The following ZNF141 variants were observed in gnomAD, a reference collection of about 807,000 sequenced individuals.
ZNF141 encodes zinc finger protein 141.
Under a neutral mutation model 11.3 loss-of-function variants are expected in ZNF141, and 7 were observed. That is an observed-to-expected ratio of 0.62 (90% confidence interval 0.35 to 1.16). The LOEUF (loss-of-function observed/expected upper bound fraction) is 1.16, where lower values mean the gene tolerates loss of function less well. Among genes scored for constraint, ZNF141 ranks in the 50% most tolerant of loss-of-function variants. The pLI, the probability that ZNF141 is intolerant of heterozygous loss-of-function variation, is 0.02. For synonymous variants in ZNF141, 183 were observed against 190.7 expected, an observed-to-expected ratio of 0.96 and a Z score of 0.33; for missense variants, 535 against 554.0, an observed-to-expected ratio of 0.97 and a Z score of 0.34.
At chr4:346,278 TTAAG>T (rs1721314436) in intron 3 of ZNF141, among the ~76,000 whole-genome samples, 1 of 152,260 alleles carries the variant, frequency 6.6e-6, no homozygotes, top group Non-Finnish European at 1.5e-5. Context: ...AATTTGAACA[TTAAG>T]TGAGGACTTA....
At chr4:348,061 G>A (rs547622608) in intron 3 of ZNF141, among the ~76,000 whole-genome samples, 3 of 151,904 alleles carry the variant, frequency 2.0e-5, no homozygotes, top group South Asian at 2.1e-4. Flanking sequence ...AGCCAAGATG[G>A]TCTCGATCTC....
At position 377,606 on chromosome 4, in the gene ZNF141, T is replaced by G. The variant is rs1433864285; in HGVS notation, c.*3744T>G. Among the ~76,000 whole-genome samples the G allele has an allele frequency of 1.3e-5, 2 of 152,164 alleles. No individual in the cohort carries two copies. The highest frequency in any genetic ancestry group is 2.4e-5 in the African/African-American group (1 of 41,436). ...TGGACTTTAGGTTAACTGGGGTGTTTGAGGTTATTTATAGGTTATCAGTGC... is the reference window on the plus strand; with the variant it reads ...TGGACTTTAGGTTAACTGGGGTGTTGGAGGTTATTTATAGGTTATCAGTGC... On this transcript the variant is annotated 3_prime_UTR_variant, in exon 4 of 4. Transcript: ENST00000240499.
At position 384,117 on chromosome 4, in the gene ZNF141, TCA is replaced by T. The variant is rs1553856091; in HGVS notation, c.*10260_*10261del. ...GGATGCATGTGATTGGTACTTAAAC[TCA>T]CACAGTGCCCCATACCACAGGAGAA... is the stretch of plus-strand genomic sequence containing the variant. On this transcript the variant is annotated 3_prime_UTR_variant, in exon 4 of 4. Transcript: ENST00000240499. 1 of 152,186 alleles carries T rather than the reference TCA, an allele frequency of 6.6e-6. No individual in the cohort carries two copies. The highest frequency in any genetic ancestry group is 1.5e-5 in the Non-Finnish European group (1 of 68,034). The allele number at this position is 152,186 out of a possible 1,614,324, so 9.4% of individuals were successfully genotyped here. A position where few individuals can be genotyped will look rare whatever the true frequency, so the allele number is the denominator to read the frequency against.
rs117558645 is a variant in ZNF141 at position 343,396 on chromosome 4, G to A, written c.4-386G>A. 7.9e-5 allele frequency among the ~76,000 whole-genome samples: 12 copies of A among 152,194 alleles called. No individual in the cohort carries two copies. In the East Asian group the frequency reaches 2.1e-3, roughly 27 times the overall value. On this transcript the variant is annotated intron_variant, in intron 1 of 3. Transcript: ENST00000240499. ...CAGTCAGTCACATGTCAGAACTAGCGCTCTCAACTCATTTCACCTGTAGTC... is the reference window on the plus strand; with the variant it reads ...CAGTCAGTCACATGTCAGAACTAGCACTCTCAACTCATTTCACCTGTAGTC...
Position 370,639 on chromosome 4 carries a change from A to G in ZNF141, c.227-2025A>G, listed in dbSNP as rs191206715. Among the ~76,000 whole-genome samples the G allele has an allele frequency of 4.6e-5, 7 of 152,324 alleles. No homozygotes were observed. In the East Asian group the frequency reaches 1.3e-3, roughly 29 times the overall value. On this transcript the variant is annotated intron_variant, in intron 3 of 3. Coordinates refer to ENST00000240499, the MANE Select transcript of ZNF141 (RefSeq NM_003441.4). ...ACATCACTTTTATCTTGCCGCTTCTAAGATTCCATTTTTGCCTTTGACTTT... is the reference window on the plus strand; with the variant it reads ...ACATCACTTTTATCTTGCCGCTTCTGAGATTCCATTTTTGCCTTTGACTTT...
chr4:370,657 T>C (rs1412001607), intron 3 of ZNF141, among the ~76,000 whole-genome samples: 1 of 152,240 alleles, frequency 6.6e-6, no homozygotes, highest in Admixed American at 6.5e-5. Flanking sequence ...ATTTTTGCCT[T>C]TGACTTTTAA....
At chr4:341,004 C>T (rs189249792) in intron 1 of ZNF141, among the ~76,000 whole-genome samples, 1 of 152,148 alleles carries the variant, frequency 6.6e-6, no homozygotes, top group African/African-American at 2.4e-5. Flanking sequence ...AAGCTTTGGC[C>T]CAAATAAACT....
rs1160268843 is a variant in ZNF141, at chr4:380,221, A to G, written c.*6359A>G. On this transcript the variant is annotated 3_prime_UTR_variant, in exon 4 of 4. Coordinates refer to ENST00000240499, the MANE Select transcript of ZNF141 (RefSeq NM_003441.4). Reference sequence around the variant, plus strand: ...GTATACCACGTTTTTGGAAAAATACATTCATTTCTTGGTTGAAAAACTCAC... The same window carrying G: ...GTATACCACGTTTTTGGAAAAATACGTTCATTTCTTGGTTGAAAAACTCAC... 2.6e-5 allele frequency among the ~76,000 whole-genome samples: 4 copies of G among 152,230 alleles called. No individual in the cohort carries two copies. Among genetic ancestry groups the G allele is most frequent in the African/African-American group, 7.2e-5 (3 of 41,456 alleles).
chr4:371,652 G>T (rs539628877), intron 3 of ZNF141, among the ~76,000 whole-genome samples: 1 of 152,076 alleles, frequency 6.6e-6, no homozygotes, highest in African/African-American at 2.4e-5. Context: ...CCATTCTCCT[G>T]CCTCAGCCTC....
Position 373,996 on chromosome 4 carries a change from CA to C in ZNF141, c.*137del. On this transcript the variant is annotated 3_prime_UTR_variant, in exon 4 of 4. Coordinates refer to ENST00000240499, the MANE Select transcript of ZNF141 (RefSeq NM_003441.4). ...GTGGCAAAGTTCTTTACCTCATTCT[CA>C]AACCTTGATAAACATAAGAGAATTC... 1 of 785,540 alleles carries C rather than the reference CA, an allele frequency of 1.3e-6. No individual in the cohort carries two copies. Among genetic ancestry groups the C allele is most frequent in the Non-Finnish European group, 2.1e-6 (1 of 474,598 alleles). The allele number at this position is 785,540 out of a possible 1,614,324, so 48.7% of individuals were successfully genotyped here. A position where few individuals can be genotyped will look rare whatever the true frequency, so the allele number is the denominator to read the frequency against.
chr4:353,221 A>G (rs569367080), intron 3 of ZNF141, among the ~76,000 whole-genome samples: 10 of 152,122 alleles, frequency 6.6e-5, no homozygotes, highest in African/African-American at 2.2e-4. Flanking sequence ...AAAAATACAG[A>G]AAGTTAGCCA....
intron 3 of ZNF141, among the ~76,000 whole-genome samples, chr4:367,619 C>T (rs782181024): frequency 2.5e-4 from 38 of 151,008 alleles, no homozygotes; most frequent in Non-Finnish European, 4.7e-4. Flanking sequence ...CAGGTTCAAG[C>T]GATTCTTCTG....
chr4:345,060 T>G (rs1553849301), intron 3 of ZNF141, among the ~76,000 whole-genome samples: 1 of 152,216 alleles, frequency 6.6e-6, no homozygotes, highest in Non-Finnish European at 1.5e-5. Flanking sequence ...ATATTTGTGT[T>G]ACTGAGGAGC....
At chr4:354,889 A>G (rs1314310530) in intron 3 of ZNF141, among the ~76,000 whole-genome samples, 1 of 152,078 alleles carries the variant, frequency 6.6e-6, no homozygotes, top group African/African-American at 2.4e-5. Flanking sequence ...ATTGTGATTT[A>G]AAAACTTGAT....
chr4:383,316 T>C lies in ZNF141; in HGVS notation c.*9454T>C. 2 of 592,918 alleles carry C rather than the reference T, an allele frequency of 3.4e-6. No homozygotes were observed. Among genetic ancestry groups the C allele is most frequent in the Middle Eastern group, 3.0e-4 (1 of 3,332 alleles). The allele number at this position is 592,918 out of a possible 1,614,324, so 36.7% of individuals were successfully genotyped here. A position where few individuals can be genotyped will look rare whatever the true frequency, so the allele number is the denominator to read the frequency against. ...TCTAACCAGCTCAATCCTGAGCTAG[T>C]ATGTTTCGGGATTGTTATGCAGTTA... is the stretch of plus-strand genomic sequence containing the variant. On this transcript the variant is annotated 3_prime_UTR_variant, in exon 4 of 4. Coordinates refer to ENST00000240499, the MANE Select transcript of ZNF141 (RefSeq NM_003441.4).
intron 1 of ZNF141, among the ~76,000 whole-genome samples, chr4:342,283 G>A (rs1220496949): frequency 1.3e-5 from 2 of 152,200 alleles, no homozygotes; most frequent in Non-Finnish European, 2.9e-5. Context: ...TGCACATGTT[G>A]TTTTTCAGAT....
intron 1 of ZNF141, among the ~76,000 whole-genome samples, chr4:338,902 G>C (rs1202367896): frequency 6.6e-6 from 1 of 152,252 alleles, no homozygotes; most frequent in African/African-American, 2.4e-5. Context: ...GGGAGTCGCA[G>C]GTGTCCGCGG....
At chr4:363,574 G>T (rs139014361) in intron 3 of ZNF141, among the ~76,000 whole-genome samples, 1 of 152,088 alleles carries the variant, frequency 6.6e-6, no homozygotes, top group African/African-American at 2.4e-5. Context: ...GGCTAACACC[G>T]TGAAACCTCG....
At chr4:372,443 TA>T (rs1290457216) in intron 3 of ZNF141, among the ~76,000 whole-genome samples, 5 of 152,234 alleles carry the variant, frequency 3.3e-5, no homozygotes, top group Admixed American at 3.3e-4. Flanking sequence ...GCATTTTGCT[TA>T]CCTGAGGCAT....
Sources: allele counts gnomAD v4.1 joint callset (sites outside exome capture counted in the v4.1 genomes callset), GRCh38; gene constraint gnomAD v4.1.1; transcripts MANE v1.5; gene names NCBI Gene and HGNC (gene_info 2026-07-23, HGNC 2026-07-21).